CTNNA3: variants seen among roughly 807,000 people sequenced by gnomAD.
CTNNA3 encodes the protein catenin alpha 3, also known as catenin alpha-3.
A neutral mutation model predicts 95.7 loss-of-function variants in CTNNA3; 76 were observed. The ratio of observed to expected loss-of-function variants is 0.79; its 90% CI spans 0.66 to 0.96. CTNNA3 has a LOEUF of 0.96. CTNNA3 is among the 40% of genes least tolerant of loss of function. The pLI is 0.00. For synonymous variants in CTNNA3, 431 were observed against 374.4 expected (o/e 1.15, Z -1.74); for missense variants, 1,191 against 1,089.8 (o/e 1.09, Z -1.31).
chr10:67,413,263 TTTCATCATTCATTCTTCATTCA>T (rs1589266345), intron 5 of CTNNA3, among the ~76,000 whole-genome samples: 1 of 152,160 alleles, frequency 6.6e-6, no homozygotes, highest in African/African-American at 2.4e-5. Flanking sequence ...ATTCTTCATG[TTTCATCATTCATTCTTCATTCA>T]TTCATCATTC....
chr10:67,715,613 C>T lies in CTNNA3; in HGVS notation c.-2+47821G>A, dbSNP rs59515528. 0.033 allele frequency among the ~76,000 whole-genome samples: 5,045 copies of T among 152,094 alleles called. 601 individuals are homozygous for T. The East Asian group carries it at 0.44, about 13-fold the overall frequency. The stretch of plus-strand genomic sequence containing the variant: ...CTCTATGTTACGGTGTGATGATTCC[C>T]TATTTCAGGTGGTTCATCTGGAAAC... On this transcript the variant is annotated intron_variant, in intron 1 of 17. Transcript: ENST00000684154.
chr10:67,271,615 A>C (rs999087103), intron 5 of CTNNA3, among the ~76,000 whole-genome samples: 11 of 152,214 alleles, frequency 7.2e-5, no homozygotes, highest in African/African-American at 2.7e-4. Context: ...CTTGGAGCCC[A>C]AACAAGGCCT....
chr10:66,198,911 A>G (rs978944749), intron 13 of CTNNA3, among the ~76,000 whole-genome samples: 6 of 152,206 alleles, frequency 3.9e-5, no homozygotes, highest in Non-Finnish European at 7.4e-5. Flanking sequence ...TTGAAGAAAT[A>G]TGTTTTCATT....
intron 3 of CTNNA3, among the ~76,000 whole-genome samples, chr10:67,557,109 G>T (rs1375859261): frequency 6.6e-6 from 1 of 152,172 alleles, no homozygotes; most frequent in African/African-American, 2.4e-5. Context: ...ATTGCACTGT[G>T]ACCAGTCATC....
intron 9 of CTNNA3, among the ~76,000 whole-genome samples, chr10:66,730,571 C>A (rs903335202): frequency 2.0e-5 from 3 of 152,174 alleles, no homozygotes; most frequent in Admixed American, 2.0e-4. Context: ...ATCTATGTAA[C>A]AAACCTATAC....
intron 7 of CTNNA3, among the ~76,000 whole-genome samples, chr10:66,837,029 C>T (rs1842908208): frequency 6.6e-6 from 1 of 152,028 alleles, no homozygotes; most frequent in East Asian, 1.9e-4. Flanking sequence ...AAAGTGAAAT[C>T]TGCTTCAGGT....
chr10:67,413,970 C>T (rs1232465445), intron 5 of CTNNA3, among the ~76,000 whole-genome samples: 1 of 152,048 alleles, frequency 6.6e-6, no homozygotes, highest in Non-Finnish European at 1.5e-5. Flanking sequence ...TAAATGCCTT[C>T]ATCAAGAAGT....
chr10:66,756,339 A>G (rs754156823), intron 9 of CTNNA3, among the ~76,000 whole-genome samples: 4 of 152,184 alleles, frequency 2.6e-5, no homozygotes, highest in Non-Finnish European at 4.4e-5. Context: ...TAAAAATGTC[A>G]AAGTGATTTT....
At chr10:66,204,164 G>T (rs540640145) in intron 13 of CTNNA3, among the ~76,000 whole-genome samples, 1 of 152,196 alleles carries the variant, frequency 6.6e-6, no homozygotes, top group African/African-American at 2.4e-5. Context: ...TTAAATAAAA[G>T]AATGAAAATG....
At chr10:66,368,519 C>G (rs2092729762) in intron 12 of CTNNA3, among the ~76,000 whole-genome samples, 1 of 151,850 alleles carries the variant, frequency 6.6e-6, no homozygotes, top group Non-Finnish European at 1.5e-5. Context: ...ACTGGGACTG[C>G]GTAGTTATAT....
chr10:66,022,044 G>C (rs2079229920), intron 15 of CTNNA3, among the ~76,000 whole-genome samples: 1 of 151,550 alleles, frequency 6.6e-6, no homozygotes, highest in Non-Finnish European at 1.5e-5. Flanking sequence ...TTTGTGTAGA[G>C]GTGGGGTCTT....
At chr10:66,198,250 G>T (rs2087091881) in intron 13 of CTNNA3, among the ~76,000 whole-genome samples, 1 of 151,958 alleles carries the variant, frequency 6.6e-6, no homozygotes, top group Non-Finnish European at 1.5e-5. Flanking sequence ...CTATTCTCTT[G>T]TGTTGATATA....
intron 9 of CTNNA3, among the ~76,000 whole-genome samples, chr10:66,763,339 CACAG>C (rs1188147345): frequency 5.4e-4 from 70 of 128,872 alleles, no homozygotes; most frequent in South Asian, 2.4e-3. Context: ...CACACACACA[CACAG>C]AGAGAGAGAG....
chr10:66,377,407 T>G (rs1328946360), intron 12 of CTNNA3, among the ~76,000 whole-genome samples: 1 of 152,072 alleles, frequency 6.6e-6, no homozygotes, highest in Non-Finnish European at 1.5e-5. Context: ...TCTAGAAAGG[T>G]TATTATAAAT....
chr10:66,443,020 G>A (rs1210412479), intron 11 of CTNNA3, among the ~76,000 whole-genome samples: 1 of 152,160 alleles, frequency 6.6e-6, no homozygotes, highest in Non-Finnish European at 1.5e-5. Flanking sequence ...TCCCGCATAT[G>A]GCTCAGAGGG....
intron 13 of CTNNA3, among the ~76,000 whole-genome samples, chr10:66,158,531 T>G (rs1292253320): frequency 1.3e-5 from 2 of 152,152 alleles, no homozygotes; most frequent in South Asian, 2.1e-4. Flanking sequence ...ACTAGTACCA[T>G]GCTGTTTTGG....
chr10:67,083,513 TTTTAACTACA>T (rs1857150559), intron 7 of CTNNA3, among the ~76,000 whole-genome samples: 2 of 152,226 alleles, frequency 1.3e-5, no homozygotes, highest in Admixed American at 1.3e-4. Context: ...AATGTGCTAA[TTTTAACTACA>T]TTTGAGTTAT....
intron 9 of CTNNA3, among the ~76,000 whole-genome samples, chr10:66,668,761 G>A (rs1846552340): frequency 6.6e-6 from 1 of 151,962 alleles, no homozygotes; most frequent in Non-Finnish European, 1.5e-5. Flanking sequence ...GCAGTGAGCT[G>A]AGATGGCACC....
intron 10 of CTNNA3, among the ~76,000 whole-genome samples, chr10:66,618,092 C>T (rs1365158530): frequency 2.6e-5 from 4 of 152,120 alleles, no homozygotes; most frequent in Admixed American, 2.0e-4. Context: ...ACATTCCATG[C>T]TCATGGATAG....
Sources: allele counts gnomAD v4.1 joint callset (sites outside exome capture counted in the v4.1 genomes callset), GRCh38; gene constraint gnomAD v4.1.1; transcripts MANE v1.5; gene names NCBI Gene and HGNC (gene_info 2026-07-23, HGNC 2026-07-21).